Variants in GALNT5 observed in about 807,000 individuals in gnomAD.
The protein encoded by GALNT5 is polypeptide N-acetylgalactosaminyltransferase 5, also known as UDP-GalNAc:polypeptide N-acetylgalactosaminyltransferase 5.
Under a neutral mutation model 85.4 loss-of-function variants are expected in GALNT5, and 72 were observed. The observed-to-expected ratio is 0.84, with a 90% CI of 0.70 to 1.03. GALNT5 has a LOEUF of 1.03. Among genes scored for constraint, GALNT5 ranks in the 50% least tolerant of loss-of-function variants. GALNT5 has a pLI of 0.00. For missense variants in GALNT5, 1,137 were observed against 1,135.5 expected, an observed-to-expected ratio of 1.00 and a Z score of -0.02; for synonymous variants, 404 against 397.0, an observed-to-expected ratio of 1.02 and a Z score of -0.21.
At chr2:157,304,366 A>G (rs1327697514) in intron 7 of GALNT5, among the ~76,000 whole-genome samples, 2 of 152,174 alleles carry the variant, frequency 1.3e-5, no homozygotes, top group Non-Finnish European at 2.9e-5. Flanking sequence ...TGCCTGTGCC[A>G]GGCACCTCAG....
intron 1 of GALNT5, among the ~76,000 whole-genome samples, chr2:157,281,499 G>A (rs907268477): frequency 1.3e-5 from 2 of 152,164 alleles, no homozygotes; most frequent in Admixed American, 1.3e-4. Context: ...GAATATCAAG[G>A]ATGCTGTTGG....
intron 1 of GALNT5, among the ~76,000 whole-genome samples, chr2:157,283,916 C>A (rs1038846118): frequency 2.0e-5 from 3 of 152,152 alleles, no homozygotes; most frequent in Non-Finnish European, 4.4e-5. Flanking sequence ...TGGTTAAAGA[C>A]CTGAGAAATA....
At chr2:157,274,284 G>A (rs1259131782) in intron 1 of GALNT5, among the ~76,000 whole-genome samples, 5 of 152,252 alleles carry the variant, frequency 3.3e-5, no homozygotes, top group East Asian at 1.9e-4. Context: ...ATAAACAAAC[G>A]TGTACATGTG....
Position 157,315,064 on chromosome 2 carries a change from C to A in GALNT5, c.*3716C>A, listed in dbSNP as rs993033641. On this transcript the variant is annotated 3_prime_UTR_variant, in exon 10 of 10. Coordinates refer to ENST00000259056, the MANE Select transcript of GALNT5 (RefSeq NM_014568.3). ...CTGCACTCCAGCCTAGACAACAGAG[C>A]AAGACTCTATCTCAAAAAATAATAA... Among the ~76,000 whole-genome samples, 6 of 151,980 alleles carry A rather than the reference C, an allele frequency of 3.9e-5. No individual in the cohort carries two copies. The highest frequency in any genetic ancestry group is 1.2e-4 in the African/African-American group (5 of 41,392).
chr2:157,275,009 A>G (rs1032819052), intron 1 of GALNT5, among the ~76,000 whole-genome samples: 1 of 152,220 alleles, frequency 6.6e-6, no homozygotes, highest in Non-Finnish European at 1.5e-5. Context: ...ATTTTTGTAT[A>G]AAGTGTAAGG....
chr2:157,268,793 CAAGA>C (rs1336961935), intron 1 of GALNT5, among the ~76,000 whole-genome samples: 106 of 113,682 alleles, frequency 9.3e-4, no homozygotes, highest in African/African-American at 6.6e-3. Flanking sequence ...GATTCCCCCC[CAAGA>C]CAAAGAGATT....
intron 3 of GALNT5, among the ~76,000 whole-genome samples, chr2:157,293,487 T>C (rs993570573): frequency 3.9e-5 from 6 of 152,184 alleles, no homozygotes; most frequent in Non-Finnish European, 8.8e-5. Context: ...AATATGAATT[T>C]TGGATTGACA....
At chr2:157,262,655 CAACAACAAT>C (rs1458367372) in intron 1 of GALNT5, among the ~76,000 whole-genome samples, 4 of 139,022 alleles carry the variant, frequency 2.9e-5, no homozygotes, top group African/African-American at 1.3e-4. Flanking sequence ...ACAACAACAA[CAACAACAAT>C]AAAAAGGTAG....
intron 4 of GALNT5, 138 bp from the exon 5 acceptor site, chr2:157,296,256 A>C: frequency 1.7e-6 from 1 of 601,816 alleles, no homozygotes; most frequent in Non-Finnish European, 2.9e-6. Context: ...TTCTTGAACT[A>C]TTATTAAAAG....
chr2:157,298,720 C>G (rs1331350580), intron 5 of GALNT5: 2 of 152,236 alleles, frequency 1.3e-5, no homozygotes, highest in Non-Finnish European at 2.9e-5. Flanking sequence ...TCAAAATACC[C>G]AGAACCTGGA....
chr2:157,317,353 C>T lies in GALNT5; in HGVS notation c.*6005C>T, dbSNP rs937262042. On this transcript the variant is annotated 3_prime_UTR_variant, in exon 10 of 10. Coordinates refer to ENST00000259056, the MANE Select transcript of GALNT5 (RefSeq NM_014568.3). ...TCTGCACAAAAGTATCTCAAGTGAA[C>T]TTACACTCTGGATACCATTTTCCAA... 6.6e-6 allele frequency among the ~76,000 whole-genome samples: 1 copy of T among 151,970 alleles called. No individual in the cohort carries two copies. The highest frequency in any genetic ancestry group is 2.4e-5 in the African/African-American group (1 of 41,400).
At position 157,313,195 on chromosome 2, in the gene GALNT5, G is replaced by T. The variant is rs1312470521; in HGVS notation, c.*1847G>T. The stretch of plus-strand genomic sequence containing the variant: ...CCCAAAAGATTATATTAATAATATG[G>T]TATCTTTAGTGTGCTTTTCTATGTT... On this transcript the variant is annotated 3_prime_UTR_variant, in exon 10 of 10. Transcript: ENST00000259056. The T allele has an allele frequency of 6.6e-6, 1 of 152,068 alleles. No individual in the cohort carries two copies. Among genetic ancestry groups the T allele is most frequent in the East Asian group, 1.9e-4 (1 of 5,190 alleles). The allele number at this position is 152,068 out of a possible 1,614,324, so 9.4% of individuals were successfully genotyped here. A position where few individuals can be genotyped will look rare whatever the true frequency, so the allele number is the denominator to read the frequency against.
intron 1 of GALNT5, 82 bp from the exon 2 acceptor site, chr2:157,284,200 A>T: frequency 9.2e-7 from 1 of 1,081,702 alleles, no homozygotes; most frequent in Non-Finnish European, 1.4e-6. Flanking sequence ...GTATATGCAC[A>T]CCATCGCACT....
In GALNT5 at chr2:157,281,051, A is replaced by ATTTC. The variant is rs113379473; in HGVS notation, c.1455-3211_1455-3208dup. ...CTTTACAAATTAGCTAGTCTCAGGT[A>ATTTC]TTTCTTTCTTTCTTTCTTTCTTTTA... is the stretch of plus-strand genomic sequence containing the variant. On this transcript the variant is annotated intron_variant, in intron 1 of 9. Transcript: ENST00000259056. 4.7e-3 allele frequency among the ~76,000 whole-genome samples: 720 copies of ATTTC among 151,782 alleles called. 3 individuals are homozygous for ATTTC. Among genetic ancestry groups the ATTTC allele is most frequent in the African/African-American group, 0.016 (658 of 41,388 alleles).
chr2:157,310,355 T>C (rs1240094056), intron 9 of GALNT5, among the ~76,000 whole-genome samples: 1 of 152,190 alleles, frequency 6.6e-6, no homozygotes, highest in African/African-American at 2.4e-5. Flanking sequence ...TCCCATTATA[T>C]GTAAGTCTTA....
Position 157,315,600 on chromosome 2 carries a change from A to G in GALNT5, c.*4252A>G, listed in dbSNP as rs560518850. Among the ~76,000 whole-genome samples, 75 of 152,302 alleles carry G rather than the reference A, an allele frequency of 4.9e-4. 1 individual carries two copies. Among genetic ancestry groups the G allele is most frequent in the Non-Finnish European group, 9.6e-4 (65 of 68,010 alleles). On this transcript the variant is annotated 3_prime_UTR_variant, in exon 10 of 10. Coordinates refer to ENST00000259056, the MANE Select transcript of GALNT5 (RefSeq NM_014568.3). ...GGTCTCTCTCTCTCTGTGGTAACCA[A>G]TTGATGTGTAGGTATAAACATGGCT...
At chr2:157,286,318 T>A (rs888982314) in intron 3 of GALNT5, among the ~76,000 whole-genome samples, 184 bp downstream of exon 3, 1 of 152,190 alleles carries the variant, frequency 6.6e-6, no homozygotes, top group Admixed American at 6.5e-5. Context: ...ACCTATTGTA[T>A]ATACTTTTTT....
intron 3 of GALNT5, among the ~76,000 whole-genome samples, chr2:157,289,966 C>G (rs1157788589): frequency 6.6e-6 from 1 of 151,244 alleles, no homozygotes; most frequent in Non-Finnish European, 1.5e-5. Context: ...CCCAGCTACT[C>G]AGGAGGCTGA....
intron 3 of GALNT5, among the ~76,000 whole-genome samples, chr2:157,294,863 C>T (rs1198457208): frequency 4.0e-5 from 6 of 151,576 alleles, no homozygotes. Flanking sequence ...GTAGATGCTA[C>T]TGAGGTTTCA....
Sources: allele counts gnomAD v4.1 joint callset (sites outside exome capture counted in the v4.1 genomes callset), GRCh38; gene constraint gnomAD v4.1.1; transcripts MANE v1.5; gene names NCBI Gene and HGNC (gene_info 2026-07-23, HGNC 2026-07-21).